CENPN: variants seen among roughly 807,000 people sequenced by gnomAD.
CENPN encodes centromere protein N.
CENPN carries 36 observed loss-of-function variants against 48.6 expected under a neutral mutation model. The observed-to-expected ratio is 0.74, with a 90% CI of 0.57 to 0.98. The LOEUF is 0.98. Ranked by LOEUF, CENPN falls within the 50% of genes least tolerant of loss-of-function variation. CENPN has a pLI of 0.00. For synonymous variants in CENPN, 166 were observed against 135.2 expected (o/e 1.23, Z -1.58); for missense variants, 439 against 399.2 (o/e 1.10, Z -0.85).
rs1970270479 is a variant in CENPN, at chr16:81,022,655, A to G, written c.590A>G (p.Tyr197Cys). Residue 197 changes from tyrosine (Y) to cysteine (C), a missense_variant, in exon 7 of 11, where the codon TAT becomes TGT. Coordinates refer to ENST00000305850, the MANE Select transcript of CENPN (RefSeq NM_001100624.3). ...GTGAAAATGGACCTGAGAAGTCGGT[A>G]TCTGGACTCTCTTAAGGCTATTGTT... ...QIVKMDLRSR[Y>C]LDSLKAIVFK... 2.5e-6 allele frequency: 4 copies of G among 1,613,980 alleles called. No homozygotes were observed. Among genetic ancestry groups the G allele is most frequent in the East Asian group, 4.5e-5 (2 of 44,866 alleles).
chr16:81,014,208 C>G (rs368048901), intron 3 of CENPN, 27 bp downstream of exon 3: 20 of 1,594,924 alleles, frequency 1.3e-5, no homozygotes, highest in Middle Eastern at 1.7e-4. Flanking sequence ...TGTATTTATA[C>G]TTAACCAATC....
chr16:81,022,340 T>A, intron 6 of CENPN: 1 of 397,292 alleles, frequency 2.5e-6, no homozygotes, highest in Middle Eastern at 7.1e-4. Flanking sequence ...TGAACTTGAT[T>A]TATTAGTAAC....
intron 2 of CENPN, among the ~76,000 whole-genome samples, chr16:81,013,139 G>A (rs1487843877): frequency 6.6e-6 from 1 of 152,146 alleles, no homozygotes; most frequent in East Asian, 1.9e-4. Flanking sequence ...ATGTCCATCA[G>A]CAGGTAAACA....
Position 81,030,275 on chromosome 16 carries a change from T to C in CENPN, c.*1624T>C, listed in dbSNP as rs1970711300. Reference sequence around the variant, plus strand: ...ACATTTTAAAATCTATTCTTTATCTTGTTTCAGAGAGGATTTGGAGTTACA... The same window carrying C: ...ACATTTTAAAATCTATTCTTTATCTCGTTTCAGAGAGGATTTGGAGTTACA... On this transcript the variant is annotated 3_prime_UTR_variant, in exon 11 of 11. Transcript: ENST00000305850. 1.0e-6 allele frequency: 1 copy of C among 985,456 alleles called. No homozygotes were observed. Among genetic ancestry groups the C allele is most frequent in the Non-Finnish European group, 1.2e-6 (1 of 829,936 alleles). The allele number at this position is 985,456 out of a possible 1,614,324, so 61.0% of individuals were successfully genotyped here. A position where few individuals can be genotyped will look rare whatever the true frequency, so the allele number is the denominator to read the frequency against.
At chr16:81,021,216 C>T (rs1168502417) in intron 6 of CENPN, among the ~76,000 whole-genome samples, 2 of 152,048 alleles carry the variant, frequency 1.3e-5, no homozygotes, top group African/African-American at 4.8e-5. Flanking sequence ...CCATTTCTCC[C>T]ACATTCCATA....
At chr16:81,012,377 G>C (rs1229895622) in intron 2 of CENPN, among the ~76,000 whole-genome samples, 1 of 152,140 alleles carries the variant, frequency 6.6e-6, no homozygotes, top group African/African-American at 2.4e-5. Flanking sequence ...ATTTTTCGCA[G>C]TATTTTTTTA....
chr16:81,018,090 C>T (rs917285531), intron 5 of CENPN, among the ~76,000 whole-genome samples: 2 of 152,084 alleles, frequency 1.3e-5, no homozygotes, highest in Non-Finnish European at 2.9e-5. Flanking sequence ...GATGGAAATG[C>T]TCTGTATTGG....
rs145506009 is a variant in CENPN, at chr16:81,010,055, C to T, written c.-10-1875C>T. 4.1e-3 allele frequency among the ~76,000 whole-genome samples: 627 copies of T among 152,172 alleles called. 5 individuals carry two copies. Among genetic ancestry groups the T allele is most frequent in the African/African-American group, 0.015 (606 of 41,500 alleles). On this transcript the variant is annotated intron_variant, in intron 1 of 10. Coordinates refer to ENST00000305850, the MANE Select transcript of CENPN (RefSeq NM_001100624.3). ...CTCTACTAAAGATACAAAAATTAGC[C>T]AGGCGTGGTGGTGCACGCCTGCAGT...
At position 81,013,327 on chromosome 16, in the gene CENPN, A is replaced by G. The variant is rs1220890750; in HGVS notation, c.172-809A>G. The stretch of plus-strand genomic sequence containing the variant: ...TCATATAAACCTCTAGAAAATGCAA[A>G]CAAATCTGTAATGACAGAAAGCAGA... On this transcript the variant is annotated intron_variant, in intron 2 of 10. Transcript: ENST00000305850. 2.0e-5 allele frequency among the ~76,000 whole-genome samples: 3 copies of G among 152,258 alleles called. No homozygotes were observed. In the East Asian group the frequency reaches 5.8e-4, roughly 29 times the overall value.
At chr16:81,032,905 G>A (rs780608854), downstream of CENPN, 2 of 438,464 alleles carry the variant, frequency 4.6e-6, no homozygotes, top group African/African-American at 4.0e-5. Flanking sequence ...GGTGCTTCTA[G>A]CTCTAAGGGG....
At chr16:81,025,516 G>T (rs1392527213) in intron 8 of CENPN, among the ~76,000 whole-genome samples, 1 of 152,058 alleles carries the variant, frequency 6.6e-6, no homozygotes, top group Admixed American at 6.6e-5. Flanking sequence ...CTTAGGTAAA[G>T]AAATCAGGAT....
chr16:81,024,237 C>CT (rs200823503), intron 7 of CENPN: 2,135 of 147,810 alleles, frequency 0.014, 21 homozygotes, highest in South Asian at 0.029. Flanking sequence ...GAGATATTGT[C>CT]TAAAAAAAAA....
intron 1 of CENPN, among the ~76,000 whole-genome samples, chr16:81,008,260 C>G (rs1969554313): frequency 6.6e-6 from 1 of 152,194 alleles, no homozygotes; most frequent in Non-Finnish European, 1.5e-5. Context: ...ATCTGACGTA[C>G]TTTTTAAAAG....
intron 5 of CENPN, 23 bp from the exon 6 acceptor site, chr16:81,020,077 C>CTTTTTTTTTTTTT: frequency 8.8e-7 from 1 of 1,136,388 alleles, no homozygotes. Flanking sequence ...GAAATTAAGC[C>CTTTTTTTTTTTTT]TTTTTTTTTT....
chr16:81,024,890 T>C (rs1447032419), intron 8 of CENPN, 112 bp downstream of exon 8: 5 of 607,860 alleles, frequency 8.2e-6, no homozygotes, highest in African/African-American at 1.9e-5. Context: ...CTTTTATTGT[T>C]TTCAGAAAAA....
rs948790698 is a variant in CENPN, at chr16:81,007,747, T to TG, written c.-11+471dup. ...TACTTAAAATGGATCTTTTTGATCA[T>TG]GCGTTCCACAGATCTTGAGCATCTA... On this transcript the variant is annotated intron_variant, in intron 1 of 10. Coordinates refer to ENST00000305850, the MANE Select transcript of CENPN (RefSeq NM_001100624.3). Among the ~76,000 whole-genome samples, 64 of 152,184 alleles carry TG rather than the reference T, an allele frequency of 4.2e-4. 1 individual carries two copies. The highest frequency in any genetic ancestry group is 1.5e-5 in the Non-Finnish European group (1 of 68,028).
At chr16:81,017,597 T>C (rs1969985258) in intron 4 of CENPN, among the ~76,000 whole-genome samples, 161 bp from the exon 5 acceptor site, 1 of 152,208 alleles carries the variant, frequency 6.6e-6, no homozygotes, top group African/African-American at 2.4e-5. Context: ...AGAAACATAC[T>C]TCTTGGTGCC....
intron 2 of CENPN, among the ~76,000 whole-genome samples, chr16:81,012,359 C>T (rs116025491): frequency 3.0e-4 from 45 of 152,072 alleles, no homozygotes; most frequent in African/African-American, 9.9e-4. Flanking sequence ...ATTAAAATAA[C>T]GAGCAGTATT....
intron 1 of CENPN, among the ~76,000 whole-genome samples, chr16:81,007,914 C>T (rs1289450251): frequency 6.6e-6 from 1 of 152,128 alleles, no homozygotes; most frequent in African/African-American, 2.4e-5. Flanking sequence ...CGAGACCAGC[C>T]TGGCCAACAT....
Sources: gnomAD v4.1 joint callset for allele counts (sites outside exome capture counted in the v4.1 genomes callset) on GRCh38, gnomAD v4.1.1 for gene constraint, MANE v1.5 for transcripts, NCBI Gene and HGNC (gene_info 2026-07-23, HGNC 2026-07-21) for gene names.